EPB41L2: variants seen among roughly 807,000 people sequenced by gnomAD.
EPB41L2 encodes erythrocyte membrane protein band 4.1 like 2.
In EPB41L2, 43 loss-of-function variants were observed where a neutral mutation model predicts 113.0. The observed-to-expected ratio is 0.38, with a 90% CI of 0.30 to 0.49. EPB41L2 has a LOEUF of 0.49. EPB41L2 is among the 20% of genes least tolerant of loss of function. The pLI is 0.95. For missense variants in EPB41L2, 1,147 were observed against 1,223.4 expected (o/e 0.94, Z 0.93); for synonymous variants, 442 against 436.7 (o/e 1.01, Z -0.15).
At chr6:130,994,594 C>A (rs1253214963) in intron 1 of EPB41L2, among the ~76,000 whole-genome samples, 1 of 152,156 alleles carries the variant, frequency 6.6e-6, no homozygotes, top group Non-Finnish European at 1.5e-5. Flanking sequence ...ACTGTGTCTG[C>A]AGTTGTACCT....
chr6:131,011,254 G>A (rs1039893433), intron 1 of EPB41L2, among the ~76,000 whole-genome samples: 8 of 152,306 alleles, frequency 5.3e-5, no homozygotes, highest in African/African-American at 1.9e-4. Context: ...TAAAACTGGA[G>A]CCATTCATAA....
At chr6:130,914,801 G>T (rs1044391779) in intron 4 of EPB41L2, among the ~76,000 whole-genome samples, 2 of 151,950 alleles carry the variant, frequency 1.3e-5, no homozygotes, top group Non-Finnish European at 2.9e-5. Flanking sequence ...TTAAGAGCAG[G>T]AACAGTCACT....
At position 130,956,118 on chromosome 6, in the gene EPB41L2, C is replaced by A. The variant is rs984232556; in HGVS notation, c.368G>T (p.Arg123Ile). ...DKEEPLPEEQ[R>I]QAKGDAEEMA... ...TTCTTCAGCATCACCCTTAGCCTGTCTCTGTTCTTCTGGAAGGGGTTCCTC... is the reference window on the plus strand; with the variant it reads ...TTCTTCAGCATCACCCTTAGCCTGTATCTGTTCTTCTGGAAGGGGTTCCTC... Residue 123 changes from arginine (R) to isoleucine (I), a missense_variant, in exon 2 of 20, where the codon AGA becomes ATA. Physicochemically the swap from Arg to Ile is moderately conservative, Grantham distance 97 (BLOSUM62 -3). Coordinates refer to ENST00000337057, the MANE Select transcript of EPB41L2 (RefSeq NM_001431.4). The A allele has an allele frequency of 1.2e-6, 2 of 1,613,992 alleles. No individual in the cohort carries two copies. The highest frequency in any genetic ancestry group is 1.7e-6 in the Non-Finnish European group (2 of 1,180,038).
At chr6:130,906,157 C>G (rs1213899846) in intron 5 of EPB41L2, among the ~76,000 whole-genome samples, 1 of 152,114 alleles carries the variant, frequency 6.6e-6, no homozygotes, top group East Asian at 1.9e-4. Context: ...GTAAAGTTAT[C>G]ACAGGATTAT....
chr6:130,978,058 A>C (rs1459825691), intron 1 of EPB41L2, among the ~76,000 whole-genome samples: 1 of 152,206 alleles, frequency 6.6e-6, no homozygotes, highest in African/African-American at 2.4e-5. Flanking sequence ...GGAAAATTCT[A>C]TCCCTACCTA....
chr6:130,995,809 T>C lies in EPB41L2; in HGVS notation c.-14-39310A>G, dbSNP rs566587097. On this transcript the variant is annotated intron_variant, in intron 1 of 19. Transcript: ENST00000337057. ...TCAGCCTCACTCCCATGATTTACAC[T>C]AGCTCTGTTCAAGCAGTTTGAGTTC... Among the ~76,000 whole-genome samples, 7 of 152,312 alleles carry C rather than the reference T, an allele frequency of 4.6e-5. No individual in the cohort carries two copies. In the South Asian group the frequency reaches 1.5e-3, roughly 32 times the overall value.
rs1270720034 is a variant in EPB41L2 at position 130,880,087 on chromosome 6, C to T, written c.1896+57G>A. ...GCCAGCCAGCCTAGGCGTGACCTCC[C>T]GTCCACAGCAGCCGGGCAGCCATTA... is the stretch of plus-strand genomic sequence containing the variant. On this transcript the variant is annotated intron_variant, in intron 13 of 19. Coordinates refer to ENST00000337057, the MANE Select transcript of EPB41L2 (RefSeq NM_001431.4). The T allele has an allele frequency of 9.7e-6, 13 of 1,345,892 alleles. No homozygotes were observed. The Admixed American group carries it at 1.0e-4, about 11-fold the overall frequency. The allele number at this position is 1,345,892 out of a possible 1,614,324, so 83.4% of individuals were successfully genotyped here.
chr6:131,040,117 C>T (rs1794153238), intron 1 of EPB41L2, among the ~76,000 whole-genome samples: 1 of 152,098 alleles, frequency 6.6e-6, no homozygotes, highest in Non-Finnish European at 1.5e-5. Flanking sequence ...AATGGGTTTA[C>T]CCCTACTAAA....
At position 130,904,858 on chromosome 6, in the gene EPB41L2, G is replaced by C. The variant is rs1014687347; in HGVS notation, c.854-318C>G. 3.3e-5 allele frequency among the ~76,000 whole-genome samples: 5 copies of C among 150,738 alleles called. No individual in the cohort carries two copies. The East Asian group carries it at 9.7e-4, about 29-fold the overall frequency. ...ATTTTAATATAACCTCCATGTAATAGTTCTGAGATAAGATTCAATTTAACC... is the reference window on the plus strand; with the variant it reads ...ATTTTAATATAACCTCCATGTAATACTTCTGAGATAAGATTCAATTTAACC... On this transcript the variant is annotated intron_variant, in intron 5 of 19. Coordinates refer to ENST00000337057, the MANE Select transcript of EPB41L2 (RefSeq NM_001431.4).
At chr6:130,861,732 C>T (rs1451887424) in intron 18 of EPB41L2, among the ~76,000 whole-genome samples, 3 of 151,856 alleles carry the variant, frequency 2.0e-5, no homozygotes, top group Non-Finnish European at 4.4e-5. Flanking sequence ...ACTAGCCGGG[C>T]GTGGTGGCGG....
At chr6:130,873,805 A>G (rs1786568856) in intron 14 of EPB41L2, among the ~76,000 whole-genome samples, 1 of 152,092 alleles carries the variant, frequency 6.6e-6, no homozygotes, top group Non-Finnish European at 1.5e-5. Context: ...TGACGCTCCT[A>G]AGGGGCCCCT....
intron 1 of EPB41L2, among the ~76,000 whole-genome samples, chr6:131,033,230 G>GGA (rs1792589271): frequency 6.6e-6 from 1 of 151,912 alleles, no homozygotes; most frequent in South Asian, 2.1e-4. Context: ...AAGAAAGACA[G>GGA]GAGAGAGAGA....
chr6:130,968,706 A>G (rs577109023), intron 1 of EPB41L2, among the ~76,000 whole-genome samples: 2 of 151,216 alleles, frequency 1.3e-5, no homozygotes, highest in East Asian at 1.9e-4. Flanking sequence ...AATTACAGAC[A>G]TGCCATTTGG....
chr6:130,954,040 C>CTTTCTCTTTTT (rs1816373036), intron 3 of EPB41L2, among the ~76,000 whole-genome samples: 1 of 58,850 alleles, frequency 1.7e-5, no homozygotes, highest in Non-Finnish European at 3.3e-5. Flanking sequence ...CCTTTTCTTT[C>CTTTCTCTTTTT]TTTTTTTTTT....
intron 12 of EPB41L2, among the ~76,000 whole-genome samples, chr6:130,884,513 C>A (rs1006118600): frequency 8.5e-5 from 13 of 152,072 alleles, no homozygotes; most frequent in Non-Finnish European, 1.9e-4. Context: ...GATGTTACTG[C>A]CCAAGGTAAC....
intron 1 of EPB41L2, among the ~76,000 whole-genome samples, chr6:131,009,361 T>C (rs1469105972): frequency 6.6e-6 from 1 of 152,142 alleles, no homozygotes; most frequent in Non-Finnish European, 1.5e-5. Context: ...TTAAACCTCT[T>C]TTCCTTATAA....
chr6:130,899,877 C>T (rs1399549899), intron 7 of EPB41L2, among the ~76,000 whole-genome samples: 1 of 152,192 alleles, frequency 6.6e-6, no homozygotes, highest in African/African-American at 2.4e-5. Flanking sequence ...TAGTGTACAA[C>T]ATAAGTACTG....
chr6:130,980,213 G>T (rs1050423752), intron 1 of EPB41L2, among the ~76,000 whole-genome samples: 2 of 152,042 alleles, frequency 1.3e-5, no homozygotes, highest in African/African-American at 4.8e-5. Context: ...AAGAGGGGAG[G>T]GAAAGAGGTA....
intron 5 of EPB41L2, among the ~76,000 whole-genome samples, 164 bp downstream of exon 5, chr6:130,908,657 C>A (rs1389540575): frequency 1.3e-5 from 2 of 152,046 alleles, no homozygotes; most frequent in Non-Finnish European, 2.9e-5. Context: ...AGCACCTGAG[C>A]CATGTACGAA....
Sources: allele counts gnomAD v4.1 joint callset (sites outside exome capture counted in the v4.1 genomes callset), GRCh38; gene constraint gnomAD v4.1.1; transcripts MANE v1.5; gene names NCBI Gene and HGNC (gene_info 2026-07-23, HGNC 2026-07-21).